INPP4B: variants seen among roughly 807,000 people sequenced by gnomAD.
The protein encoded by INPP4B is inositol polyphosphate-4-phosphatase type II B, also known as inositol polyphosphate 4-phosphatase type II.
A neutral mutation model predicts 122.5 loss-of-function variants in INPP4B; 55 were observed. That is an observed-to-expected ratio of 0.45 (90% CI 0.36 to 0.56). INPP4B has a LOEUF of 0.56. INPP4B is among the 20% of genes least tolerant of loss of function. INPP4B has a pLI of 0.00. For synonymous variants in INPP4B, 403 were observed against 388.7 expected (o/e 1.04, Z -0.43); for missense variants, 1,000 against 1,097.7 (o/e 0.91, Z 1.26).
intron 2 of INPP4B, among the ~76,000 whole-genome samples, chr4:142,476,627 C>G (rs891620876): frequency 6.6e-6 from 1 of 152,052 alleles, no homozygotes; most frequent in East Asian, 1.9e-4. Flanking sequence ...AAATATCTAC[C>G]AAGCAAACAG....
At chr4:142,133,020 C>T (rs1216073497) in intron 18 of INPP4B, among the ~76,000 whole-genome samples, 2 of 152,178 alleles carry the variant, frequency 1.3e-5, no homozygotes, top group African/African-American at 4.8e-5. Context: ...TCTTAGTCCT[C>T]ATTTTATTTG....
intron 6 of INPP4B, among the ~76,000 whole-genome samples, chr4:142,403,699 C>T (rs1192606887): frequency 6.6e-6 from 1 of 152,144 alleles, no homozygotes; most frequent in Non-Finnish European, 1.5e-5. Flanking sequence ...AAATTTTATA[C>T]ATATATATTG....
At chr4:142,074,074 G>A (rs1376477373) in intron 25 of INPP4B, among the ~76,000 whole-genome samples, 1 of 151,924 alleles carries the variant, frequency 6.6e-6, no homozygotes, top group African/African-American at 2.4e-5. Flanking sequence ...AAACCCAAGG[G>A]ATGCTCCTGT....
chr4:142,674,224 G>A (rs2150647192), intron 2 of INPP4B, among the ~76,000 whole-genome samples: 1 of 152,108 alleles, frequency 6.6e-6, no homozygotes, highest in South Asian at 2.1e-4. Flanking sequence ...TTTCATGCAG[G>A]ATCATTTCCA....
intron 2 of INPP4B, among the ~76,000 whole-genome samples, chr4:142,527,528 T>C (rs1827087824): frequency 6.6e-6 from 1 of 152,104 alleles, no homozygotes; most frequent in South Asian, 2.1e-4. Context: ...GTTTCAACAG[T>C]CATGAATTGA....
intron 12 of INPP4B, among the ~76,000 whole-genome samples, chr4:142,230,898 T>G (rs1214051786): frequency 6.6e-6 from 1 of 152,196 alleles, no homozygotes; most frequent in Non-Finnish European, 1.5e-5. Context: ...ACTTGAGAGA[T>G]ATCTAACATT....
In INPP4B at chr4:142,779,599, T is replaced by C. The variant is rs149305824; in HGVS notation, c.-253-53698A>G. Among the ~76,000 whole-genome samples, 376 of 152,218 alleles carry C rather than the reference T, an allele frequency of 2.5e-3. 5 individuals carry two copies. Among genetic ancestry groups the C allele is most frequent in the East Asian group, 0.019 (96 of 5,154 alleles). ...CACTGAGGTCAATATTGGTATGGCA[T>C]CCCTTCCCTCTTGTCCTTCATTCCG... On this transcript the variant is annotated intron_variant, in intron 1 of 25. Transcript: ENST00000262992.
intron 7 of INPP4B, among the ~76,000 whole-genome samples, chr4:142,393,129 T>C (rs1240267869): frequency 1.3e-5 from 2 of 152,150 alleles, no homozygotes; most frequent in Admixed American, 6.5e-5. Flanking sequence ...ATTTAACTTA[T>C]GAATGACATG....
Position 142,655,155 on chromosome 4 carries a change from T to C in INPP4B, c.-191+70684A>G, listed in dbSNP as rs75373271. Among the ~76,000 whole-genome samples the C allele has an allele frequency of 2.7e-3, 404 of 152,186 alleles. 6 individuals are homozygous for C. The highest frequency in any genetic ancestry group is 0.018 in the East Asian group (95 of 5,166). On this transcript the variant is annotated intron_variant, in intron 2 of 25. Coordinates refer to ENST00000262992, the MANE Select transcript of INPP4B (RefSeq NM_001101669.3). Reference sequence around the variant, plus strand: ...GTTAACATTCTTCAAAAAACAACAATAGAAAACCTTCCTAGATATTGTTTT... The same window carrying C: ...GTTAACATTCTTCAAAAAACAACAACAGAAAACCTTCCTAGATATTGTTTT...
At chr4:142,308,894 A>G (rs1764415055) in intron 8 of INPP4B, among the ~76,000 whole-genome samples, 1 of 152,128 alleles carries the variant, frequency 6.6e-6, no homozygotes, top group South Asian at 2.1e-4. Flanking sequence ...TCCAAAAATG[A>G]AAATCTGGAC....
intron 16 of INPP4B, among the ~76,000 whole-genome samples, chr4:142,165,307 T>C (rs575466561): frequency 6.6e-6 from 1 of 151,860 alleles, no homozygotes; most frequent in South Asian, 2.1e-4. Flanking sequence ...TAGTCAGCAA[T>C]TTATTCTACT....
intron 14 of INPP4B, among the ~76,000 whole-genome samples, chr4:142,208,216 G>A (rs1370221622): frequency 1.3e-5 from 2 of 151,966 alleles, no homozygotes; most frequent in East Asian, 3.9e-4. Flanking sequence ...CTCAATCCAG[G>A]TGAAACATTC....
At chr4:142,504,419 T>A (rs1335312211) in intron 2 of INPP4B, among the ~76,000 whole-genome samples, 1 of 152,158 alleles carries the variant, frequency 6.6e-6, no homozygotes, top group Admixed American at 6.6e-5. Context: ...AGTGTGAAGA[T>A]GACTTGTTTT....
intron 2 of INPP4B, among the ~76,000 whole-genome samples, chr4:142,696,067 G>T (rs761163192): frequency 2.6e-5 from 4 of 152,132 alleles, no homozygotes; most frequent in Non-Finnish European, 5.9e-5. Flanking sequence ...AAAATGTTGA[G>T]TATTGACAAA....
At chr4:142,611,527 T>C (rs924807949) in intron 2 of INPP4B, among the ~76,000 whole-genome samples, 2 of 151,856 alleles carry the variant, frequency 1.3e-5, no homozygotes, top group Non-Finnish European at 2.9e-5. Flanking sequence ...TTAAAATACA[T>C]ATATCTTTTA....
intron 5 of INPP4B, among the ~76,000 whole-genome samples, chr4:142,417,923 G>A (rs1412602619): frequency 6.6e-6 from 1 of 151,968 alleles, no homozygotes; most frequent in African/African-American, 2.4e-5. Context: ...GTCTGTTCTT[G>A]TTGTTATTTG....
chr4:142,255,561 C>T (rs866052633), intron 11 of INPP4B, among the ~76,000 whole-genome samples: 11 of 152,216 alleles, frequency 7.2e-5, no homozygotes, highest in African/African-American at 2.7e-4. Context: ...ATCCTAGTTT[C>T]TGATAAAACA....
At chr4:142,424,470 C>T (rs149424149) in intron 5 of INPP4B, among the ~76,000 whole-genome samples, 127 of 152,082 alleles carry the variant, frequency 8.4e-4, no homozygotes, top group African/African-American at 2.9e-3. Flanking sequence ...GAAAATTCTA[C>T]CAACTGGTGA....
intron 16 of INPP4B, among the ~76,000 whole-genome samples, chr4:142,161,750 T>C (rs1437460529): frequency 6.6e-6 from 1 of 151,956 alleles, no homozygotes; most frequent in Non-Finnish European, 1.5e-5. Flanking sequence ...GATTTTGTTA[T>C]ATATGCATAG....
Sources: allele counts gnomAD v4.1 joint callset (sites outside exome capture counted in the v4.1 genomes callset), GRCh38; gene constraint gnomAD v4.1.1; transcripts MANE v1.5; gene names NCBI Gene and HGNC (gene_info 2026-07-23, HGNC 2026-07-21).